SLC27A5: variants seen among roughly 807,000 people sequenced by gnomAD.
The protein encoded by SLC27A5 is long-chain fatty acid transport protein 5.
SLC27A5 carries 47 observed loss-of-function variants against 63.1 expected under a neutral mutation model. The observed-to-expected ratio is 0.74, with a 90% confidence interval of 0.59 to 0.95. The LOEUF is 0.95. Ranked by LOEUF, SLC27A5 falls within the 40% of genes least tolerant of loss-of-function variation. The probability of loss-of-function intolerance (pLI) is 0.00; values close to 1 mark genes in which losing one functional copy is unlikely to be tolerated. For synonymous variants in SLC27A5, 391 were observed against 403.8 expected, an observed-to-expected ratio of 0.97 and a Z score of 0.38; for missense variants, 940 against 921.0, an observed-to-expected ratio of 1.02 and a Z score of -0.27.
At position 58,498,586 on chromosome 19, in the gene SLC27A5, G is replaced by A. The variant is rs761821409; in HGVS notation, c.2002C>T (p.Arg668Trp). 2.2e-5 allele frequency: 36 copies of A among 1,613,894 alleles called. No homozygotes were observed. The highest frequency in any genetic ancestry group is 1.6e-4 in the Middle Eastern group (1 of 6,082). Residue 668 changes from arginine (R) to tryptophan (W), a missense_variant, in exon 10 of 10, where the codon CGG (arginine) becomes TGG (tryptophan). Coordinates refer to ENST00000263093, the MANE Select transcript of SLC27A5 (RefSeq NM_012254.3). ...VVDPLFVLDN[R>W]AQSFRPLTAE... ...GTCAGGGGCCGGAAGGACTGGGCCC[G>A]GTTGTCCAGTACAAACAGAGGGTCA...
chr19:58,499,624 CG>C lies in SLC27A5; in HGVS notation c.1534del (p.Arg512GlufsTer90), dbSNP rs1568626588. 3.1e-6 allele frequency: 5 copies of C among 1,612,752 alleles called. No individual in the cohort carries two copies. The Admixed American group carries it at 5.0e-5, about 16-fold the overall frequency. On this transcript the variant is annotated frameshift_variant, in exon 7 of 10. Transcript: ENST00000263093. LOFTEE classifies it high-confidence loss of function. The stretch of plus-strand genomic sequence containing the variant: ...CACCAGCTTCCGTTCCGACAGCTCT[CG>C]GGGGCCGCGGTAGCCCACGAAGGGT... ...QQPFVGYRGP[R>X]ELSERKLVRN... is the part of the protein sequence containing the mutation.
chr19:58,509,708 T>G, intron 3 of SLC27A5, 139 bp downstream of exon 3: 1 of 736,150 alleles, frequency 1.4e-6, no homozygotes, highest in Non-Finnish European at 2.1e-6. Context: ...GCCCTGGTAG[T>G]CATTGGTGGG....
chr19:58,504,646 C>T (rs931351663), intron 3 of SLC27A5, among the ~76,000 whole-genome samples: 9 of 142,754 alleles, frequency 6.3e-5, no homozygotes, highest in South Asian at 2.2e-4. Context: ...CCAGCCTGGG[C>T]GACAGAGCGA....
chr19:58,506,740 G>C (rs994074159), intron 3 of SLC27A5, among the ~76,000 whole-genome samples: 1 of 151,242 alleles, frequency 6.6e-6, no homozygotes, highest in Non-Finnish European at 1.5e-5. Context: ...CTCCCGAGTA[G>C]CTGGAAACAC....
intron 3 of SLC27A5, among the ~76,000 whole-genome samples, chr19:58,505,301 G>C (rs1204696701): frequency 6.6e-6 from 1 of 151,630 alleles, no homozygotes; most frequent in Non-Finnish European, 1.5e-5. Context: ...GTTTCACCAT[G>C]TTGGCCAGGC....
Position 58,499,238 on chromosome 19 carries a change from G to C in SLC27A5, c.1668-18C>G. On this transcript the variant is annotated intron_variant, in intron 7 of 9. Transcript: ENST00000263093. ...CCTTCCATCTGCAAGGAGGGAGCCG[G>C]CGCTTGTGACCACGCCCCCGGGAAG... 1 of 1,611,514 alleles carries C rather than the reference G, an allele frequency of 6.2e-7. No homozygotes were observed. Among genetic ancestry groups the C allele is most frequent in the Non-Finnish European group, 8.5e-7 (1 of 1,178,734 alleles).
intron 6 of SLC27A5, among the ~76,000 whole-genome samples, 165 bp downstream of exon 6, chr19:58,500,174 G>T (rs2053257270): frequency 6.6e-6 from 1 of 151,918 alleles, no homozygotes; most frequent in East Asian, 1.9e-4. Context: ...TGAGGCGGAG[G>T]CCCCAGATGG....
At chr19:58,502,447 G>A (rs1249795917) in intron 3 of SLC27A5, among the ~76,000 whole-genome samples, 1 of 146,512 alleles carries the variant, frequency 6.8e-6, no homozygotes, top group East Asian at 2.1e-4. Context: ...TAGTGAGTGA[G>A]AAGATGGATG....
At chr19:58,510,974 T>C (rs2053404209) in intron 1 of SLC27A5, 44 bp from the exon 2 acceptor site, 2 of 1,492,836 alleles carry the variant, frequency 1.3e-6, no homozygotes, top group African/African-American at 1.4e-5. Context: ...AGGCTCACCT[T>C]TGAGGTTGCG....
chr19:58,498,791 G>A lies in SLC27A5; in HGVS notation c.1890C>T (p.Arg630=), dbSNP rs771899398. The change falls in exon 9 of 10, where the codon CGC becomes CGT. Residue 630 remains arginine (R), a synonymous_variant. Coordinates refer to ENST00000263093, the MANE Select transcript of SLC27A5 (RefSeq NM_012254.3). ...CAGGCCACCCTGGGCTCACCTGGAT[G>A]CGGATGAAATGGGGGGTAGCGTAGG... is the stretch of plus-strand genomic sequence containing the variant. The part of the protein sequence containing the change: ...LPAYATPHFI[R]IQDAMEVTST... The A allele has an allele frequency of 6.2e-7, 1 of 1,613,948 alleles. No individual in the cohort carries two copies. Among genetic ancestry groups the A allele is most frequent in the South Asian group, 1.1e-5 (1 of 91,062 alleles).
rs768995463 is a variant in SLC27A5 at position 58,499,516 on chromosome 19, C to T, written c.1643G>A (p.Arg548His). ...AMDREGFLYF[R>H]DRLGDTFRWK... is the part of the protein sequence containing the mutation. ...CCGGAAGGTGTCCCCGAGGCGGTCG[C>T]GGAAGTAGAGGAAGCCTTCGCGGTC... is the stretch of plus-strand genomic sequence containing the variant. Residue 548 changes from arginine (R) to histidine (H), a missense_variant, in exon 7 of 10, where the codon CGC (arginine) becomes CAC (histidine). Transcript: ENST00000263093. 6.2e-7 allele frequency: 1 copy of T among 1,613,012 alleles called. No individual in the cohort carries two copies. Among genetic ancestry groups the T allele is most frequent in the South Asian group, 1.1e-5 (1 of 91,062 alleles).
rs776033145 is a variant in SLC27A5, at chr19:58,501,316, C to T, written c.1152G>A (p.Glu384=). Residue 384 remains glutamate (E), a synonymous_variant, in exon 4 of 10, where the codon GAG becomes GAA. Coordinates refer to ENST00000263093, the MANE Select transcript of SLC27A5 (RefSeq NM_012254.3). ...HGVTVILYVG[E]LLRYLCNIPQ... ...GAATGTTACACAAGTACCGCAGGAG[C>T]TCGCCCACATACAGGATCACTGTCA... 1 of 1,613,764 alleles carries T rather than the reference C, an allele frequency of 6.2e-7. No individual in the cohort carries two copies. The highest frequency in any genetic ancestry group is 1.1e-5 in the South Asian group (1 of 91,072).
Position 58,511,504 on chromosome 19 carries a change from C to G in SLC27A5, c.452G>C (p.Arg151Pro). ...CAGGGCCCATGCCGCCTGGCAGGCC[C>G]GGGCATCCAGCTCACCAAAGGTGAC... The part of the protein sequence containing the change: ...GSVTFGELDA[R>P]ACQAAWALKA... Residue 151 changes from arginine (R) to proline (P), a missense_variant, in exon 1 of 10, where the codon CGG (arginine) becomes CCG (proline). Transcript: ENST00000263093. The G allele has an allele frequency of 1.3e-6, 2 of 1,572,136 alleles. No individual in the cohort carries two copies. The highest frequency in any genetic ancestry group is 2.3e-5 in the South Asian group (2 of 86,484).
At chr19:58,511,065 C>T (rs887845383) in intron 1 of SLC27A5, 135 bp from the exon 2 acceptor site, 11 of 924,388 alleles carry the variant, frequency 1.2e-5, no homozygotes, top group African/African-American at 8.3e-5. Flanking sequence ...TAAAGAATCC[C>T]ATCATTAGTA....
At chr19:58,500,850 C>T (rs2053266751) in intron 4 of SLC27A5, 144 bp from the exon 5 acceptor site, 1 of 1,445,948 alleles carries the variant, frequency 6.9e-7, no homozygotes, top group African/African-American at 1.4e-5. Context: ...AGGGATCTAC[C>T]TGGGTTACTT....
At position 58,500,619 on chromosome 19, in the gene SLC27A5, C is replaced by T. The variant is rs754044176; in HGVS notation, c.1270G>A (p.Gly424Ser). The change falls in exon 5 of 10, where the codon GGT (glycine) becomes AGT (serine). Residue 424 changes from glycine to serine, a missense_variant. Transcript: ENST00000263093. ...DVWETFQQRFGPIRIWEVYGS... is the reference protein window; with the variant it reads ...DVWETFQQRFSPIRIWEVYGS... Reference sequence around the variant, plus strand: ...TAGACTTCCCAGATCCGAATAGGACCGAAGCGCTGCTGGAAGGTCTCCCAC... The same window carrying T: ...TAGACTTCCCAGATCCGAATAGGACTGAAGCGCTGCTGGAAGGTCTCCCAC... The T allele has an allele frequency of 1.1e-5, 17 of 1,614,130 alleles. No homozygotes were observed. In the South Asian group the frequency reaches 1.1e-4, roughly 10 times the overall value.
rs758428872 is a variant in SLC27A5, at chr19:58,511,770, A to C, written c.186T>G (p.His62Gln). Residue 62 changes from histidine to glutamine, a missense_variant, in exon 1 of 10, where the codon CAT (histidine) becomes CAG (glutamine). Coordinates refer to ENST00000263093, the MANE Select transcript of SLC27A5 (RefSeq NM_012254.3). The stretch of plus-strand genomic sequence containing the variant: ...GGGCCGCAGCTGCCAGGCTCAGCCC[A>C]TGGGGCACCCAGGGGCCGAGCCAGG... ...ARPWLGPWVPHGLSLAAAALA... is the reference protein window; with the variant it reads ...ARPWLGPWVPQGLSLAAAALA... The C allele has an allele frequency of 3.9e-6, 6 of 1,553,524 alleles. No homozygotes were observed. The highest frequency in any genetic ancestry group is 2.1e-4 in the Middle Eastern group (1 of 4,732).
Position 58,511,798 on chromosome 19 carries a change from C to T in SLC27A5, c.158G>A (p.Arg53Gln), listed in dbSNP as rs767090447. 13 of 1,555,790 alleles carry T rather than the reference C, an allele frequency of 8.4e-6. No homozygotes were observed. Among genetic ancestry groups the T allele is most frequent in the South Asian group, 4.7e-5 (4 of 84,542 alleles). The change falls in exon 1 of 10, where the codon CGG (arginine) becomes CAG (glutamine). Residue 53 changes from arginine (R) to glutamine (Q), a missense_variant. By Grantham distance (43) the Arg-to-Gln change is conservative. Transcript: ENST00000263093. ...GGGCACCCAGGGGCCGAGCCAGGGC[C>T]GTGCTAACATGGCCAGCCCAAGTAG... is the stretch of plus-strand genomic sequence containing the variant. ...CVLLGLAMLA[R>Q]PWLGPWVPHG...
chr19:58,499,624 C>T lies in SLC27A5; in HGVS notation c.1535G>A (p.Arg512Gln), dbSNP rs775344859. 162 of 1,612,760 alleles carry T rather than the reference C, an allele frequency of 1.0e-4. No homozygotes were observed. Among genetic ancestry groups the T allele is most frequent in the South Asian group, 4.2e-4 (38 of 91,080 alleles). ...QQPFVGYRGPRELSERKLVRN... is the reference protein window; with the variant it reads ...QQPFVGYRGPQELSERKLVRN... ...CACCAGCTTCCGTTCCGACAGCTCT[C>T]GGGGGCCGCGGTAGCCCACGAAGGG... Residue 512 changes from arginine to glutamine, a missense_variant, in exon 7 of 10, where the codon CGA (arginine) becomes CAA (glutamine). Coordinates refer to ENST00000263093, the MANE Select transcript of SLC27A5 (RefSeq NM_012254.3).
Sources: gnomAD v4.1 joint callset for allele counts (sites outside exome capture counted in the v4.1 genomes callset) on GRCh38, gnomAD v4.1.1 for gene constraint, MANE v1.5 for transcripts, NCBI Gene and HGNC (gene_info 2026-07-23, HGNC 2026-07-21) for gene names.